The following CDKAL1 variants were observed in gnomAD, a reference collection of about 807,000 sequenced individuals.
CDKAL1 encodes the protein CDKAL1 threonylcarbamoyladenosine tRNA methylthiotransferase.
A neutral mutation model predicts 68.2 loss-of-function variants in CDKAL1; 32 were observed. That is an observed-to-expected ratio of 0.47 (90% CI 0.35 to 0.63). CDKAL1 has a LOEUF of 0.63. Among genes scored for constraint, CDKAL1 ranks in the 30% least tolerant of loss-of-function variants. The pLI is 0.00. For synonymous variants in CDKAL1, 234 were observed against 244.3 expected (o/e 0.96, Z 0.39); for missense variants, 606 against 696.7 (o/e 0.87, Z 1.47).
intron 13 of CDKAL1, among the ~76,000 whole-genome samples, chr6:21,117,195 A>C (rs2151003204): frequency 6.6e-6 from 1 of 152,176 alleles, no homozygotes; most frequent in Admixed American, 6.5e-5. Flanking sequence ...CTTGGCTAGC[A>C]CACCATCTAC....
chr6:20,633,683 C>T (rs990652520), intron 4 of CDKAL1, among the ~76,000 whole-genome samples: 2 of 152,122 alleles, frequency 1.3e-5, no homozygotes, highest in African/African-American at 4.8e-5. Context: ...CACGTCCTTG[C>T]CAACAGTTAC....
At chr6:21,141,008 C>T (rs940474820) in intron 13 of CDKAL1, among the ~76,000 whole-genome samples, 3 of 152,122 alleles carry the variant, frequency 2.0e-5, no homozygotes, top group African/African-American at 7.2e-5. Flanking sequence ...ACGAGAATAG[C>T]ACGGGAAAGA....
At chr6:20,922,590 GC>G (rs1201158823) in intron 9 of CDKAL1, among the ~76,000 whole-genome samples, 3 of 152,178 alleles carry the variant, frequency 2.0e-5, no homozygotes, top group African/African-American at 7.2e-5. Flanking sequence ...ACTGAGGGGT[GC>G]TTACTTTCCC....
At chr6:20,785,065 C>G (rs925915112) in intron 8 of CDKAL1, among the ~76,000 whole-genome samples, 3 of 152,092 alleles carry the variant, frequency 2.0e-5, no homozygotes, top group African/African-American at 7.2e-5. Context: ...TGGCATCACT[C>G]TCATCCTCTT....
intron 6 of CDKAL1, among the ~76,000 whole-genome samples, chr6:20,758,202 C>G (rs941793937): frequency 9.9e-5 from 15 of 152,156 alleles, no homozygotes; most frequent in Non-Finnish European, 2.1e-4. Flanking sequence ...CTCCTTAATA[C>G]TAGCATGTTC....
chr6:21,123,387 C>T (rs921791331), intron 13 of CDKAL1, among the ~76,000 whole-genome samples: 1 of 152,048 alleles, frequency 6.6e-6, no homozygotes, highest in Admixed American at 6.5e-5. Context: ...CCTGGGGGAG[C>T]GGAGGTTACA....
chr6:21,014,910 C>G (rs1331829665), intron 11 of CDKAL1, among the ~76,000 whole-genome samples: 1 of 152,136 alleles, frequency 6.6e-6, no homozygotes, highest in Non-Finnish European at 1.5e-5. Context: ...AGAAATTTAA[C>G]TGCTAGAGGT....
At chr6:20,797,948 C>G (rs764169690) in intron 8 of CDKAL1, among the ~76,000 whole-genome samples, 2 of 151,774 alleles carry the variant, frequency 1.3e-5, no homozygotes, top group Non-Finnish European at 2.9e-5. Context: ...CCCGGAGTAG[C>G]TGGGACTACA....
chr6:20,731,691 CAT>C lies in CDKAL1; in HGVS notation c.372-7827_372-7826del, dbSNP rs111561413. ...AGTTTCAGTTGTAGAGAAGTGGAAA[CAT>C]GTGTCATAGAGACAAGCTGTCTATC... On this transcript the variant is annotated intron_variant, in intron 5 of 15. Coordinates refer to ENST00000274695, the MANE Select transcript of CDKAL1 (RefSeq NM_017774.3). Among the ~76,000 whole-genome samples, 633 of 152,296 alleles carry C rather than the reference CAT, an allele frequency of 4.2e-3. 7 individuals are homozygous for C. Among genetic ancestry groups the C allele is most frequent in the African/African-American group, 0.014 (574 of 41,552 alleles).
At chr6:21,149,851 G>A (rs555620026) in intron 13 of CDKAL1, among the ~76,000 whole-genome samples, 1 of 151,940 alleles carries the variant, frequency 6.6e-6, no homozygotes, top group East Asian at 1.9e-4. Context: ...TGAATGTCCC[G>A]AACATTTATT....
intron 7 of CDKAL1, among the ~76,000 whole-genome samples, chr6:20,774,678 G>A (rs1775098755): frequency 6.6e-6 from 1 of 152,176 alleles, no homozygotes; most frequent in African/African-American, 2.4e-5. Context: ...CTTCTCATAA[G>A]CATTTCAGTA....
At chr6:20,771,299 A>G (rs1373966305) in intron 7 of CDKAL1, among the ~76,000 whole-genome samples, 2 of 152,174 alleles carry the variant, frequency 1.3e-5, no homozygotes, top group Non-Finnish European at 2.9e-5. Flanking sequence ...CACTTATCTC[A>G]ACGGGTTGAG....
At chr6:20,916,014 T>C (rs946032346) in intron 9 of CDKAL1, among the ~76,000 whole-genome samples, 4 of 152,142 alleles carry the variant, frequency 2.6e-5, no homozygotes, top group Non-Finnish European at 5.9e-5. Context: ...GATTAATGAC[T>C]GCTGGAGTTT....
chr6:21,129,954 C>T (rs1227823713), intron 13 of CDKAL1, among the ~76,000 whole-genome samples: 1 of 151,808 alleles, frequency 6.6e-6, no homozygotes, highest in Non-Finnish European at 1.5e-5. Flanking sequence ...AAACGAAGGC[C>T]CACATGCAAT....
chr6:21,132,102 C>CATATAAATTT (rs1303654185), intron 13 of CDKAL1, among the ~76,000 whole-genome samples: 1 of 152,014 alleles, frequency 6.6e-6, no homozygotes, highest in African/African-American at 2.4e-5. Context: ...TAGAAAGAGG[C>CATATAAATTT]TAATAGTTCA....
chr6:20,966,842 T>A (rs1010946172), intron 10 of CDKAL1, among the ~76,000 whole-genome samples: 15 of 152,222 alleles, frequency 9.9e-5, no homozygotes. Context: ...ATCTTTTAGT[T>A]AAGTGGCTCC....
At chr6:20,908,395 G>A (rs942904531) in intron 9 of CDKAL1, among the ~76,000 whole-genome samples, 4 of 152,078 alleles carry the variant, frequency 2.6e-5, no homozygotes, top group African/African-American at 4.8e-5. Flanking sequence ...GTCACATTTT[G>A]TTTAATATAG....
At chr6:20,594,508 T>C (rs1765734096) in intron 4 of CDKAL1, among the ~76,000 whole-genome samples, 1 of 151,978 alleles carries the variant, frequency 6.6e-6, no homozygotes, top group Non-Finnish European at 1.5e-5. Context: ...AACCTCTGCT[T>C]TTTTTTTGCT....
chr6:21,062,406 C>A (rs1324797081), intron 11 of CDKAL1, among the ~76,000 whole-genome samples: 1 of 152,034 alleles, frequency 6.6e-6, no homozygotes, highest in African/African-American at 2.4e-5. Context: ...ATGCTTTAGT[C>A]TACAAAAATG....
Sources: allele counts gnomAD v4.1 joint callset (sites outside exome capture counted in the v4.1 genomes callset), GRCh38; gene constraint gnomAD v4.1.1; transcripts MANE v1.5; gene names NCBI Gene and HGNC (gene_info 2026-07-23, HGNC 2026-07-21).